The following SLC9A2 variants were observed in gnomAD, a reference collection of about 807,000 sequenced individuals.
SLC9A2 encodes the protein solute carrier family 9 member A2, also known as sodium/hydrogen exchanger 2.
In SLC9A2, 42 loss-of-function variants were observed where a neutral mutation model predicts 71.7. The ratio of observed to expected loss-of-function variants is 0.59; its 90% confidence interval spans 0.46 to 0.76. The LOEUF is 0.76. SLC9A2 is among the 30% of genes least tolerant of loss of function. The pLI is 0.00. For synonymous variants in SLC9A2, 396 were observed against 392.5 expected (o/e 1.01, Z -0.10); for missense variants, 829 against 1,017.4 (o/e 0.81, Z 2.52).
In SLC9A2 at chr2:102,623,674, T is replaced by C. The variant is rs145201102; in HGVS notation, c.289+3537T>C. Among the ~76,000 whole-genome samples the C allele has an allele frequency of 3.3e-3, 499 of 152,312 alleles. 3 individuals carry two copies. Among genetic ancestry groups the C allele is most frequent in the African/African-American group, 0.011 (461 of 41,552 alleles). On this transcript the variant is annotated intron_variant, in intron 1 of 11. Coordinates refer to ENST00000233969, the MANE Select transcript of SLC9A2 (RefSeq NM_003048.6). ...AATTGAGCTGTGCAGGTGGATATGA[T>C]ACTGTGGGGTAATGCAAATGCTAAC... is the stretch of plus-strand genomic sequence containing the variant.
intron 1 of SLC9A2, among the ~76,000 whole-genome samples, chr2:102,635,888 C>CTTT (rs35453859): frequency 6.9e-6 from 1 of 145,036 alleles, no homozygotes; most frequent in Non-Finnish European, 1.5e-5. Flanking sequence ...ATAATTTTTT[C>CTTT]TTTTTTTTTT....
At chr2:102,625,641 G>T (rs1332783601) in intron 1 of SLC9A2, among the ~76,000 whole-genome samples, 1 of 152,116 alleles carries the variant, frequency 6.6e-6, no homozygotes, top group African/African-American at 2.4e-5. Flanking sequence ...CCCTACAAAG[G>T]ACATGAACTC....
At chr2:102,678,626 T>C (rs1393495961) in intron 3 of SLC9A2, among the ~76,000 whole-genome samples, 1 of 152,150 alleles carries the variant, frequency 6.6e-6, no homozygotes, top group Non-Finnish European at 1.5e-5. Context: ...TCTTATCTCT[T>C]GATAGTGTGG....
Position 102,665,773 on chromosome 2 carries a change from TAAAAAAAA to T in SLC9A2, c.1004+444_1004+451del, listed in dbSNP as rs11426516. On this transcript the variant is annotated intron_variant, in intron 3 of 11. Transcript: ENST00000233969. ...TGGGCCACACAGCAAGACTCTGTCT[TAAAAAAAA>T]AAAAAAAAAAAAAAAAAAAAGATTT... Among the ~76,000 whole-genome samples the T allele has an allele frequency of 2.4e-3, 92 of 38,776 alleles. 1 individual carries two copies. Among genetic ancestry groups the T allele is most frequent in the African/African-American group, 5.3e-3 (73 of 13,694 alleles). 25.4% of individuals were successfully genotyped at this position (38,776 alleles called of 152,430 possible).
intron 1 of SLC9A2, among the ~76,000 whole-genome samples, chr2:102,622,993 A>G (rs1330489617): frequency 6.6e-6 from 1 of 152,022 alleles, no homozygotes; most frequent in East Asian, 1.9e-4. Flanking sequence ...CACTTTCATT[A>G]TGTGGTATTT....
chr2:102,647,210 C>T (rs1258143988), intron 1 of SLC9A2, among the ~76,000 whole-genome samples: 1 of 152,164 alleles, frequency 6.6e-6, no homozygotes, highest in Non-Finnish European at 1.5e-5. Flanking sequence ...TCCCAAATGA[C>T]TGCTGTGTAA....
intron 2 of SLC9A2, among the ~76,000 whole-genome samples, chr2:102,663,139 G>A (rs2104524108): frequency 6.6e-6 from 1 of 152,288 alleles, no homozygotes; most frequent in South Asian, 2.1e-4. Flanking sequence ...GGTTCAAAGT[G>A]GAAGTGGGTA....
intron 9 of SLC9A2, among the ~76,000 whole-genome samples, chr2:102,702,840 T>C (rs1036345215): frequency 3.9e-5 from 6 of 152,212 alleles, no homozygotes; most frequent in African/African-American, 7.2e-5. Flanking sequence ...TCACCCTCCT[T>C]GTTATTTATA....
intron 8 of SLC9A2, 110 bp from the exon 9 acceptor site, chr2:102,702,296 C>T (rs1053866471): frequency 1.6e-6 from 1 of 627,120 alleles, no homozygotes; most frequent in Admixed American, 3.4e-5. Flanking sequence ...TCCCTAAGTG[C>T]TATTTTTACA....
chr2:102,692,695 C>T (rs1356299086), intron 5 of SLC9A2, among the ~76,000 whole-genome samples: 1 of 152,142 alleles, frequency 6.6e-6, no homozygotes. Flanking sequence ...GTTACATTTA[C>T]TTTTCCAGGT....
intron 1 of SLC9A2, among the ~76,000 whole-genome samples, chr2:102,643,002 G>A (rs933640752): frequency 2.0e-5 from 3 of 152,140 alleles, no homozygotes; most frequent in African/African-American, 7.2e-5. Flanking sequence ...TGTGTATATG[G>A]TTGCTCAAAT....
At chr2:102,700,741 T>C (rs558926860) in intron 7 of SLC9A2, among the ~76,000 whole-genome samples, 1 of 152,286 alleles carries the variant, frequency 6.6e-6, no homozygotes, top group Non-Finnish European at 1.5e-5. Flanking sequence ...TAATCTGTAA[T>C]TAATGAATAC....
chr2:102,620,007 G>A lies in SLC9A2; in HGVS notation c.159G>A (p.Ala53=), dbSNP rs778237183. Residue 53 remains alanine (A), a synonymous_variant, in exon 1 of 12, where the codon GCG becomes GCA. Coordinates refer to ENST00000233969, the MANE Select transcript of SLC9A2 (RefSeq NM_003048.6). ...CCAGTTCCAGCCCGCCTAGCCCTGC[G>A]AGCGTGGTGGCTCCCGGAACGACGC... ...MGTSSSPPSP[A]SVVAPGTTLF... 3 of 1,614,106 alleles carry A rather than the reference G, an allele frequency of 1.9e-6. No homozygotes were observed. Among genetic ancestry groups the A allele is most frequent in the South Asian group, 1.1e-5 (1 of 91,072 alleles).
chr2:102,621,677 G>C (rs1166835501), intron 1 of SLC9A2, among the ~76,000 whole-genome samples: 2 of 152,210 alleles, frequency 1.3e-5, no homozygotes, highest in African/African-American at 4.8e-5. Context: ...CATCCTCAGG[G>C]AGCTTACTGA....
At chr2:102,667,821 G>C (rs1012748032) in intron 3 of SLC9A2, among the ~76,000 whole-genome samples, 4 of 152,052 alleles carry the variant, frequency 2.6e-5, no homozygotes, top group Non-Finnish European at 4.4e-5. Flanking sequence ...TGTAATCCCA[G>C]CACTTTGAGA....
At chr2:102,684,515 A>T (rs1677512072) in intron 5 of SLC9A2, among the ~76,000 whole-genome samples, 179 bp downstream of exon 5, 1 of 152,220 alleles carries the variant, frequency 6.6e-6, no homozygotes, top group Non-Finnish European at 1.5e-5. Context: ...CAGAGAGTCC[A>T]ATTTGGTCAC....
Position 102,702,507 on chromosome 2 carries a change from G to T in SLC9A2, c.1845+5G>T. 2 of 1,528,374 alleles carry T rather than the reference G, an allele frequency of 1.3e-6. No homozygotes were observed. The highest frequency in any genetic ancestry group is 2.3e-5 in the South Asian group (2 of 85,150). The allele number at this position is 1,528,374 out of a possible 1,614,324, so 94.7% of individuals were successfully genotyped here. ...CTCTATCAAATCCGTCAGCGAGTAA[G>T]AATAATTTATGTAGCAAAATATTTA... On this transcript the variant is annotated splice_donor_5th_base_variant and intron_variant, in intron 9 of 11. Coordinates refer to ENST00000233969, the MANE Select transcript of SLC9A2 (RefSeq NM_003048.6).
intron 5 of SLC9A2, among the ~76,000 whole-genome samples, chr2:102,691,204 T>C (rs1677655216): frequency 1.3e-5 from 2 of 152,224 alleles, no homozygotes; most frequent in South Asian, 2.1e-4. Flanking sequence ...GTGTTTAGTA[T>C]GTATGCCAAA....
At chr2:102,673,246 A>G (rs1234436543) in intron 3 of SLC9A2, among the ~76,000 whole-genome samples, 1 of 152,240 alleles carries the variant, frequency 6.6e-6, no homozygotes, top group Middle Eastern at 3.2e-3. Context: ...AAACACAAGC[A>G]GAAAAGCTCA....
Sources: gnomAD v4.1 joint callset for allele counts (sites outside exome capture counted in the v4.1 genomes callset) on GRCh38, gnomAD v4.1.1 for gene constraint, MANE v1.5 for transcripts, NCBI Gene and HGNC (gene_info 2026-07-23, HGNC 2026-07-21) for gene names.